The following ESRRG variants were observed in gnomAD, a reference collection of about 807,000 sequenced individuals.
The protein encoded by ESRRG is estrogen-related receptor gamma.
Under a neutral mutation model 44.0 loss-of-function variants are expected in ESRRG, and 13 were observed. The ratio of observed to expected loss-of-function variants is 0.30; its 90% CI spans 0.19 to 0.47. The LOEUF (loss-of-function observed/expected upper bound fraction) is 0.47. Among genes scored for constraint, ESRRG ranks in the 20% least tolerant of loss-of-function variants. The pLI, the probability that ESRRG is intolerant of heterozygous loss-of-function variation, is 1.00. For synonymous variants in ESRRG, 215 were observed against 214.6 expected, an observed-to-expected ratio of 1.00 and a Z score of -0.02; for missense variants, 395 against 580.6, an observed-to-expected ratio of 0.68 and a Z score of 3.29.
At chr1:216,979,898 C>T (rs745938582) in intron 1 of ESRRG, among the ~76,000 whole-genome samples, 1 of 152,094 alleles carries the variant, frequency 6.6e-6, no homozygotes, top group Non-Finnish European at 1.5e-5. Context: ...GAGCCACTCA[C>T]TCTTTGTAAA....
intron 5 of ESRRG, among the ~76,000 whole-genome samples, chr1:216,561,137 T>TA (rs759086631): frequency 4.0e-4 from 61 of 151,978 alleles, no homozygotes; most frequent in South Asian, 8.3e-4. Context: ...TATTTACTGA[T>TA]AAAAAAAACC....
At chr1:216,898,119 A>C (rs1036923836) in intron 2 of ESRRG, among the ~76,000 whole-genome samples, 1 of 152,228 alleles carries the variant, frequency 6.6e-6, no homozygotes, top group Admixed American at 6.5e-5. Context: ...GGGGGAAAAA[A>C]TCAGAAAGAT....
At chr1:216,563,058 G>A (rs890557664) in intron 5 of ESRRG, among the ~76,000 whole-genome samples, 1 of 152,074 alleles carries the variant, frequency 6.6e-6, no homozygotes, top group African/African-American at 2.4e-5. Context: ...CCTTGTGTAG[G>A]TGTCTTCTAA....
chr1:216,540,383 T>C (rs755148560), intron 5 of ESRRG, among the ~76,000 whole-genome samples: 4 of 152,004 alleles, frequency 2.6e-5, no homozygotes, highest in African/African-American at 4.8e-5. Context: ...TTAAAGCCTC[T>C]AACTGAAGAC....
chr1:216,698,692 T>C (rs191629466), intron 1 of ESRRG, among the ~76,000 whole-genome samples: 1 of 151,898 alleles, frequency 6.6e-6, no homozygotes, highest in African/African-American at 2.4e-5. Context: ...AATATGATGG[T>C]TTCGATAGTA....
At chr1:216,692,951 T>C (rs564049920) in intron 1 of ESRRG, among the ~76,000 whole-genome samples, 8 of 152,334 alleles carry the variant, frequency 5.3e-5, no homozygotes, top group African/African-American at 1.9e-4. Context: ...GTAAGGAAAC[T>C]GCCTAACAAG....
intron 1 of ESRRG, among the ~76,000 whole-genome samples, chr1:216,704,696 A>T (rs1208078168): frequency 6.6e-6 from 1 of 152,226 alleles, no homozygotes; most frequent in Non-Finnish European, 1.5e-5. Context: ...TATAATCACT[A>T]GATATAACAT....
At chr1:216,642,025 C>T (rs2066530517) in intron 3 of ESRRG, among the ~76,000 whole-genome samples, 2 of 152,140 alleles carry the variant, frequency 1.3e-5, no homozygotes. Context: ...AGCTCAGTAT[C>T]TCATAATACC....
chr1:216,930,504 A>C (rs967505603), intron 2 of ESRRG, among the ~76,000 whole-genome samples: 1 of 152,172 alleles, frequency 6.6e-6, no homozygotes, highest in Non-Finnish European at 1.5e-5. Flanking sequence ...TCTGCTGCCC[A>C]TGGGTCTGTT....
At chr1:216,758,142 T>C (rs1036339392) in intron 2 of ESRRG, among the ~76,000 whole-genome samples, 2 of 152,080 alleles carry the variant, frequency 1.3e-5, no homozygotes, top group African/African-American at 4.8e-5. Flanking sequence ...AAATGTGCTC[T>C]GAATTAGATT....
chr1:216,707,609 CT>C, intron 1 of ESRRG: 1 of 960,340 alleles, frequency 1.0e-6, no homozygotes, highest in Non-Finnish European at 1.5e-6. Flanking sequence ...ACATTGGAGA[CT>C]TAGGTATGAA....
intron 2 of ESRRG, among the ~76,000 whole-genome samples, chr1:216,743,822 A>G (rs2091050891): frequency 6.6e-6 from 1 of 152,194 alleles, no homozygotes; most frequent in Admixed American, 6.5e-5. Context: ...GAACCTCACA[A>G]TCATCTCAGT....
intron 5 of ESRRG, among the ~76,000 whole-genome samples, chr1:216,519,826 A>G (rs1409147760): frequency 2.0e-5 from 3 of 151,110 alleles, no homozygotes; most frequent in African/African-American, 4.9e-5. Context: ...AAAAAAAAAA[A>G]AAGAAGAAGA....
intron 5 of ESRRG, among the ~76,000 whole-genome samples, chr1:216,522,002 C>G (rs757319502): frequency 2.6e-5 from 4 of 152,210 alleles, no homozygotes; most frequent in South Asian, 2.1e-4. Context: ...CCCCCTTTGT[C>G]CCTGTGATTT....
intron 5 of ESRRG, among the ~76,000 whole-genome samples, chr1:216,525,743 A>G (rs1005970436): frequency 2.0e-4 from 30 of 152,132 alleles, no homozygotes; most frequent in African/African-American, 6.8e-4. Context: ...GAAAAACACC[A>G]TTTGGAAGCC....
At chr1:217,006,419 A>G (rs750812243) in intron 1 of ESRRG, among the ~76,000 whole-genome samples, 4 of 152,128 alleles carry the variant, frequency 2.6e-5, no homozygotes, top group Non-Finnish European at 5.9e-5. Flanking sequence ...ACAATATACT[A>G]CAATATACAT....
intron 2 of ESRRG, among the ~76,000 whole-genome samples, chr1:216,912,257 AGAGGAGAGGGGAGGGGAGGAGAGGG>A (rs2060551549): frequency 2.1e-5 from 1 of 48,370 alleles, no homozygotes; most frequent in Non-Finnish European, 4.5e-5. Context: ...AGAGGAGAGG[AGAGGAGAGGGGAGGGGAGGAGAGGG>A]GAGGAGAGGA....
chr1:216,590,583 A>G (rs1055471762), intron 3 of ESRRG, among the ~76,000 whole-genome samples: 3 of 152,188 alleles, frequency 2.0e-5, no homozygotes, highest in African/African-American at 7.2e-5. Context: ...TTCACTTACG[A>G]AGGACATTAA....
At chr1:216,951,256 C>T (rs1283583229) in intron 1 of ESRRG, among the ~76,000 whole-genome samples, 1 of 152,060 alleles carries the variant, frequency 6.6e-6, no homozygotes, top group Non-Finnish European at 1.5e-5. Context: ...AGGTAGCGCT[C>T]CTAGTATTAA....
Sources: gnomAD v4.1 joint callset for allele counts (sites outside exome capture counted in the v4.1 genomes callset) on GRCh38, gnomAD v4.1.1 for gene constraint, MANE v1.5 for transcripts, NCBI Gene and HGNC (gene_info 2026-07-23, HGNC 2026-07-21) for gene names.